Variants in KIF20B observed in about 807,000 individuals in gnomAD.
KIF20B encodes kinesin-like protein KIF20B.
Under a neutral mutation model 232.5 loss-of-function variants are expected in KIF20B, and 188 were observed. That is an observed-to-expected ratio of 0.81 (90% CI 0.72 to 0.91). The LOEUF is 0.91. Ranked by LOEUF, KIF20B falls within the 40% of genes least tolerant of loss-of-function variation. The probability of loss-of-function intolerance (pLI) is 0.00; values close to 1 mark genes in which losing one functional copy is unlikely to be tolerated. For missense variants in KIF20B, 2,154 were observed against 2,055.9 expected, an observed-to-expected ratio of 1.05 and a Z score of -0.92; for synonymous variants, 712 against 683.0, an observed-to-expected ratio of 1.04 and a Z score of -0.66.
At chr10:89,721,031 A>G (rs1371016312) in intron 13 of KIF20B, among the ~76,000 whole-genome samples, 1 of 152,126 alleles carries the variant, frequency 6.6e-6, no homozygotes, top group Non-Finnish European at 1.5e-5. Context: ...TTAATTGGCC[A>G]TAACTCCGTG....
intron 32 of KIF20B, among the ~76,000 whole-genome samples, chr10:89,773,242 G>C (rs1842502360): frequency 6.6e-6 from 1 of 151,850 alleles, no homozygotes; most frequent in Admixed American, 6.6e-5. Flanking sequence ...GATCTATTAG[G>C]AAGAGACTGT....
chr10:89,703,141 T>G (rs1842646754), intron 1 of KIF20B, among the ~76,000 whole-genome samples: 1 of 152,206 alleles, frequency 6.6e-6, no homozygotes, highest in Non-Finnish European at 1.5e-5. Context: ...CCACAGGTGT[T>G]TTTTAGTTTT....
At position 89,723,752 on chromosome 10, in the gene KIF20B, G is replaced by T. The variant is rs1175016065; in HGVS notation, c.1723-212G>T. 2.0e-5 allele frequency: 7 copies of T among 350,908 alleles called. No individual in the cohort carries two copies. The East Asian group carries it at 2.2e-4, about 11-fold the overall frequency. 21.7% of individuals were successfully genotyped at this position (350,908 alleles called of 1,614,324 possible). A position where few individuals can be genotyped will look rare whatever the true frequency, so the allele number is the denominator to read the frequency against. On this transcript the variant is annotated intron_variant, in intron 13 of 32. Transcript: ENST00000371728. The stretch of plus-strand genomic sequence containing the variant: ...TAAACAGTGAGACGAGTTACCAAAG[G>T]TCTATTTCTAAAATGTGGAAAGGCC...
At chr10:89,723,929 T>A in intron 13 of KIF20B, 35 bp from the exon 14 acceptor site, 1 of 1,399,580 alleles carries the variant, frequency 7.1e-7, no homozygotes, top group East Asian at 2.5e-5. Flanking sequence ...ATATATTTAT[T>A]CTTTTATAAG....
intron 27 of KIF20B, among the ~76,000 whole-genome samples, chr10:89,760,195 A>G (rs1384646810): frequency 1.3e-5 from 2 of 152,176 alleles, no homozygotes; most frequent in Non-Finnish European, 2.9e-5. Flanking sequence ...TCATCTGGAA[A>G]GTAGGAATAA....
intron 18 of KIF20B, among the ~76,000 whole-genome samples, chr10:89,731,851 G>C (rs1843326867): frequency 6.6e-6 from 1 of 152,164 alleles, no homozygotes; most frequent in African/African-American, 2.4e-5. Context: ...TTTGTTTAGA[G>C]ATACTAGAAA....
Position 89,724,015 on chromosome 10 carries a change from AAG to A in KIF20B, c.1775_1776del (p.Lys592ArgfsTer8), listed in dbSNP as rs1843122677. 6.3e-7 allele frequency: 1 copy of A among 1,589,890 alleles called. No homozygotes were observed. The highest frequency in any genetic ancestry group is 8.5e-7 in the Non-Finnish European group (1 of 1,171,620). On this transcript the variant is annotated frameshift_variant, in exon 14 of 33. Transcript: ENST00000371728. LOFTEE classifies it high-confidence loss of function. ...GAAAAAAAAACTGATAAATGAAAAA[AAG>A]GAAAAATTAACCTTGGAATTTAAAA... ...DLKKKLINEK[K>X]EKLTLEFKIR... is the part of the protein sequence containing the mutation.
chr10:89,762,305 G>A (rs1008882190), intron 28 of KIF20B, among the ~76,000 whole-genome samples: 1 of 152,166 alleles, frequency 6.6e-6, no homozygotes, highest in Admixed American at 6.5e-5. Context: ...ATATAACCAG[G>A]CTGTTTGTCA....
At chr10:89,708,291 A>G (rs180782884) in intron 2 of KIF20B, among the ~76,000 whole-genome samples, 5 of 151,710 alleles carry the variant, frequency 3.3e-5, no homozygotes, top group Non-Finnish European at 7.4e-5. Context: ...GGCTCACCGC[A>G]ATCTCTGCCT....
intron 23 of KIF20B, 100 bp downstream of exon 23, chr10:89,746,059 C>T (rs1340644304): frequency 2.4e-6 from 2 of 827,920 alleles, no homozygotes; most frequent in African/African-American, 3.4e-5. Context: ...TGCCCTGCAG[C>T]TCAAACCCCT....
chr10:89,718,645 C>G (rs796865223), intron 11 of KIF20B, 65 bp from the exon 12 acceptor site: 7 of 1,256,214 alleles, frequency 5.6e-6, no homozygotes, highest in African/African-American at 4.5e-5. Context: ...TGTAAAATGT[C>G]TCAGCACCCT....
intron 29 of KIF20B, among the ~76,000 whole-genome samples, chr10:89,763,607 G>A (rs1302294420): frequency 6.6e-6 from 1 of 151,974 alleles, no homozygotes; most frequent in African/African-American, 2.4e-5. Flanking sequence ...GTTAAAATTT[G>A]GGCCTCTATG....
At chr10:89,758,029 G>C (rs1842166239) in intron 26 of KIF20B, among the ~76,000 whole-genome samples, 1 of 151,736 alleles carries the variant, frequency 6.6e-6, no homozygotes, top group East Asian at 1.9e-4. Flanking sequence ...ATAGATAATT[G>C]CTGTCATTTT....
At chr10:89,710,812 G>A (rs1842822322) in intron 5 of KIF20B, 149 bp from the exon 6 acceptor site, 1 of 532,538 alleles carries the variant, frequency 1.9e-6, no homozygotes, top group Non-Finnish European at 3.3e-6. Context: ...ATAACAAAGT[G>A]ATGGAAAACT....
intron 25 of KIF20B, among the ~76,000 whole-genome samples, chr10:89,753,882 T>G (rs1842070616): frequency 6.6e-6 from 1 of 152,168 alleles, no homozygotes; most frequent in Non-Finnish European, 1.5e-5. Context: ...CCTCCCAAAC[T>G]GCTGGAATTA....
At chr10:89,743,692 TC>T in intron 21 of KIF20B, 115 bp from the exon 22 acceptor site, 1 of 593,528 alleles carries the variant, frequency 1.7e-6, no homozygotes, top group Non-Finnish European at 2.7e-6. Context: ...CTGTCATTTT[TC>T]TTTTAGGCTG....
intron 22 of KIF20B, among the ~76,000 whole-genome samples, 180 bp from the exon 23 acceptor site, chr10:89,745,719 A>G (rs1841896151): frequency 6.6e-6 from 1 of 151,658 alleles, no homozygotes; most frequent in Non-Finnish European, 1.5e-5. Flanking sequence ...CCCTGCTCTC[A>G]CCCTACCCTT....
At chr10:89,705,257 A>C (rs1287599100) in intron 1 of KIF20B, 37 bp from the exon 2 acceptor site, 1 of 1,600,728 alleles carries the variant, frequency 6.2e-7, no homozygotes, top group African/African-American at 1.3e-5. Context: ...ATGCTGACTT[A>C]TTAAGGTTGT....
At position 89,718,890 on chromosome 10, in the gene KIF20B, T is replaced by G; in HGVS notation, c.1434+18T>G. The G allele has an allele frequency of 1.4e-6, 2 of 1,430,878 alleles. No individual in the cohort carries two copies. Among genetic ancestry groups the G allele is most frequent in the Non-Finnish European group, 1.9e-6 (2 of 1,055,658 alleles). 88.6% of individuals were successfully genotyped at this position (1,430,878 alleles called of 1,614,324 possible). On this transcript the variant is annotated intron_variant, in intron 12 of 32. Coordinates refer to ENST00000371728, the MANE Select transcript of KIF20B (RefSeq NM_001284259.2). ...CACAAAAAGTAAATATTTATTTTATTAAGCCTCTTATTATTAGAATATTAA... is the reference window on the plus strand; with the variant it reads ...CACAAAAAGTAAATATTTATTTTATGAAGCCTCTTATTATTAGAATATTAA...
Sources: gnomAD v4.1 joint callset for allele counts (sites outside exome capture counted in the v4.1 genomes callset) on GRCh38, gnomAD v4.1.1 for gene constraint, MANE v1.5 for transcripts, NCBI Gene and HGNC (gene_info 2026-07-23, HGNC 2026-07-21) for gene names.